Variants in SPATA22 observed in about 807,000 individuals in gnomAD.
SPATA22 encodes the protein spermatogenesis-associated protein 22.
In SPATA22, 29 loss-of-function variants were observed where a neutral mutation model predicts 47.8. That is an observed-to-expected ratio of 0.61 (90% CI 0.45 to 0.83). The LOEUF (loss-of-function observed/expected upper bound fraction) is 0.83. Among genes scored for constraint, SPATA22 ranks in the 40% least tolerant of loss-of-function variants. The pLI, the probability that SPATA22 is intolerant of heterozygous loss-of-function variation, is 0.00. For synonymous variants in SPATA22, 133 were observed against 140.9 expected (o/e 0.94, Z 0.40); for missense variants, 410 against 421.7 (o/e 0.97, Z 0.24).
chr17:3,479,005 C>A (rs1441970788), intron 1 of SPATA22, among the ~76,000 whole-genome samples: 1 of 152,202 alleles, frequency 6.6e-6, no homozygotes, highest in African/African-American at 2.4e-5. Flanking sequence ...TAAAGGGTCT[C>A]TCTGCATCCA....
intron 2 of SPATA22, 128 bp from the exon 3 acceptor site, chr17:3,467,682 C>T: frequency 3.0e-6 from 2 of 664,158 alleles, no homozygotes; most frequent in Non-Finnish European, 2.2e-6. Flanking sequence ...TTATAGATTT[C>T]TATAACCTTA....
chr17:3,481,825 G>A, intron 1 of SPATA22: 1 of 1,544,080 alleles, frequency 6.5e-7, no homozygotes, highest in South Asian at 1.2e-5. Flanking sequence ...TAATTTATAA[G>A]TTAGCAAAGG....
chr17:3,511,592 G>A (rs1374373540), intron 1 of SPATA22: 2 of 152,326 alleles, frequency 1.3e-5, no homozygotes, highest in East Asian at 3.9e-4. Flanking sequence ...TTTTGGGGTG[G>A]ACACTGTTGG....
chr17:3,510,434 A>G, intron 1 of SPATA22: 1 of 152,200 alleles, frequency 6.6e-6, no homozygotes, highest in East Asian at 1.9e-4. Context: ...CACTCCTGTT[A>G]ACAACACTCT....
At chr17:3,504,094 C>T (rs571728908) in intron 1 of SPATA22, among the ~76,000 whole-genome samples, 1 of 152,150 alleles carries the variant, frequency 6.6e-6, no homozygotes, top group Non-Finnish European at 1.5e-5. Flanking sequence ...AACTCTCCCC[C>T]ACTGTCCTCC....
chr17:3,446,700 C>A, intron 6 of SPATA22, 99 bp from the exon 7 acceptor site: 2 of 973,428 alleles, frequency 2.1e-6, no homozygotes, highest in Non-Finnish European at 2.9e-6. Context: ...TTACAATGGA[C>A]AAGTGTGTAA....
intron 1 of SPATA22, among the ~76,000 whole-genome samples, chr17:3,493,695 A>C (rs2073863511): frequency 6.6e-6 from 1 of 152,134 alleles, no homozygotes. Context: ...AAGCTAATCC[A>C]ATACCTTCAT....
chr17:3,471,167 A>AGGGAGGAAGGGAG (rs1301693798), intron 1 of SPATA22, among the ~76,000 whole-genome samples: 1 of 149,596 alleles, frequency 6.7e-6, no homozygotes, highest in Non-Finnish European at 1.5e-5. Flanking sequence ...AAATGGAGAG[A>AGGGAGGAAGGGAG]GGGAGGAAGG....
At chr17:3,467,347 TC>T in intron 3 of SPATA22, 78 bp downstream of exon 3, 1 of 1,151,926 alleles carries the variant, frequency 8.7e-7, no homozygotes, top group South Asian at 1.6e-5. Flanking sequence ...CTTTCTATTT[TC>T]ATTATAATAT....
intron 1 of SPATA22, chr17:3,502,092 AC>A (rs1205571328): frequency 3.3e-5 from 5 of 152,266 alleles, no homozygotes; most frequent in African/African-American, 1.2e-4. Flanking sequence ...AGAAATTGTC[AC>A]GGCCATCCCA....
At chr17:3,508,897 TAAA>T (rs59201485) in intron 1 of SPATA22, among the ~76,000 whole-genome samples, 4,330 of 112,934 alleles carry the variant, frequency 0.038, 142 homozygotes, top group African/African-American at 0.15. Flanking sequence ...GCTTAAAGTA[TAAA>T]AAAAAAAAAA....
intron 7 of SPATA22, among the ~76,000 whole-genome samples, chr17:3,445,601 A>G (rs1035400507): frequency 6.6e-6 from 1 of 152,140 alleles, no homozygotes; most frequent in African/African-American, 2.4e-5. Flanking sequence ...AGTTTCCATT[A>G]CTTTGTTACG....
chr17:3,464,823 G>A (rs1194092964), intron 3 of SPATA22, among the ~76,000 whole-genome samples: 1 of 137,582 alleles, frequency 7.3e-6, no homozygotes, highest in Non-Finnish European at 1.6e-5. Flanking sequence ...CCTCCGCCCG[G>A]CAGCCACCCC....
intron 1 of SPATA22, among the ~76,000 whole-genome samples, chr17:3,497,316 G>C (rs985767148): frequency 6.6e-6 from 1 of 152,144 alleles, no homozygotes; most frequent in Non-Finnish European, 1.5e-5. Flanking sequence ...GTTCTCAGCC[G>C]AGCCACCCTG....
chr17:3,446,652 TCATACTCG>T, intron 6 of SPATA22, 51 bp from the exon 7 acceptor site: 2 of 1,357,688 alleles, frequency 1.5e-6, no homozygotes, highest in Middle Eastern at 2.6e-4. Flanking sequence ...GTTTTTTTCA[TCATACTCG>T]TTTACCTTCT....
At chr17:3,454,684 T>C (rs1407196377) in intron 5 of SPATA22, among the ~76,000 whole-genome samples, 6 of 152,050 alleles carry the variant, frequency 3.9e-5, no homozygotes, top group African/African-American at 1.2e-4. Context: ...CACATTTTCT[T>C]AATCCAGTCA....
intron 5 of SPATA22, among the ~76,000 whole-genome samples, chr17:3,449,470 T>C (rs2072808241): frequency 6.6e-6 from 1 of 152,238 alleles, no homozygotes; most frequent in South Asian, 2.1e-4. Flanking sequence ...ATGATAGCAT[T>C]CTTCATATGA....
chr17:3,447,568 C>T (rs537357919), intron 6 of SPATA22, among the ~76,000 whole-genome samples: 51 of 152,110 alleles, frequency 3.4e-4, no homozygotes, highest in Non-Finnish European at 5.9e-4. Context: ...TTATTTCCAA[C>T]AAAAAACAAA....
chr17:3,499,271 A>G (rs2073962325), intron 1 of SPATA22: 2 of 536,644 alleles, frequency 3.7e-6, no homozygotes, highest in Non-Finnish European at 6.4e-6. Flanking sequence ...ATCATATTTT[A>G]TGTATGTAGC....
Sources: allele counts gnomAD v4.1 joint callset (sites outside exome capture counted in the v4.1 genomes callset), GRCh38; gene constraint gnomAD v4.1.1; transcripts MANE v1.5; gene names NCBI Gene and HGNC (gene_info 2026-07-23, HGNC 2026-07-21).